The following PDSS2 variants were observed in gnomAD, a reference collection of about 807,000 sequenced individuals.
The protein encoded by PDSS2 is all trans-polyprenyl-diphosphate synthase PDSS2.
Under a neutral mutation model 44.5 loss-of-function variants are expected in PDSS2, and 31 were observed. The ratio of observed to expected loss-of-function variants is 0.70; its 90% CI spans 0.52 to 0.94. The LOEUF (loss-of-function observed/expected upper bound fraction) is 0.94. Among genes scored for constraint, PDSS2 ranks in the 40% least tolerant of loss-of-function variants. PDSS2 has a pLI of 0.00. For missense variants in PDSS2, 452 were observed against 482.2 expected (o/e 0.94, Z 0.59); for synonymous variants, 157 against 180.3 (o/e 0.87, Z 1.03).
chr6:107,321,106 A>G (rs1246275652), intron 2 of PDSS2, among the ~76,000 whole-genome samples: 1 of 152,258 alleles, frequency 6.6e-6, no homozygotes, highest in African/African-American at 2.4e-5. Flanking sequence ...GCAGACTTAT[A>G]GAAAACTCTA....
At chr6:107,345,637 T>G (rs538671030) in intron 1 of PDSS2, among the ~76,000 whole-genome samples, 12 of 151,378 alleles carry the variant, frequency 7.9e-5, no homozygotes, top group African/African-American at 2.9e-4. Flanking sequence ...AGATAATACC[T>G]CAAGGGCAAA....
chr6:107,256,226 G>A (rs1775018002), intron 3 of PDSS2, among the ~76,000 whole-genome samples: 1 of 152,060 alleles, frequency 6.6e-6, no homozygotes, highest in Non-Finnish European at 1.5e-5. Flanking sequence ...CCTGACCTCA[G>A]GTGATCCACC....
At chr6:107,195,799 A>T (rs1360451342) in intron 6 of PDSS2, among the ~76,000 whole-genome samples, 1 of 152,134 alleles carries the variant, frequency 6.6e-6, no homozygotes, top group African/African-American at 2.4e-5. Context: ...ACCTCATGTG[A>T]TCCACCCACC....
At chr6:107,221,273 C>T (rs1004459719) in intron 4 of PDSS2, among the ~76,000 whole-genome samples, 3 of 126,906 alleles carry the variant, frequency 2.4e-5, no homozygotes, top group Admixed American at 9.9e-5. Flanking sequence ...ACCTGGGAGG[C>T]GGAGCTTGTA....
intron 2 of PDSS2, among the ~76,000 whole-genome samples, chr6:107,298,574 A>G (rs563875259): frequency 4.3e-4 from 66 of 152,344 alleles, no homozygotes; most frequent in African/African-American, 1.6e-3. Flanking sequence ...GGGCAACTGT[A>G]TATATACCTA....
chr6:107,392,422 C>A (rs148000339), intron 1 of PDSS2, among the ~76,000 whole-genome samples: 4 of 152,224 alleles, frequency 2.6e-5, no homozygotes, highest in African/African-American at 9.6e-5. Context: ...GGGTATACAA[C>A]AAGTTGCATA....
intron 7 of PDSS2, among the ~76,000 whole-genome samples, chr6:107,187,345 T>G (rs1013422168): frequency 6.6e-6 from 1 of 152,086 alleles, no homozygotes; most frequent in African/African-American, 2.4e-5. Context: ...TTAGGCAACT[T>G]TGGGATGGAA....
intron 1 of PDSS2, among the ~76,000 whole-genome samples, chr6:107,456,251 G>A (rs928768828): frequency 6.6e-5 from 10 of 152,092 alleles, no homozygotes; most frequent in African/African-American, 2.4e-4. Context: ...AACCCGGGAG[G>A]TGGAAGCTGC....
intron 2 of PDSS2, among the ~76,000 whole-genome samples, chr6:107,309,460 T>C (rs1257360133): frequency 6.6e-6 from 1 of 152,184 alleles, no homozygotes; most frequent in Non-Finnish European, 1.5e-5. Flanking sequence ...ATGTACCCAT[T>C]TGGCTTCTCT....
At chr6:107,228,823 G>C (rs1311725825) in intron 4 of PDSS2, among the ~76,000 whole-genome samples, 5 of 152,188 alleles carry the variant, frequency 3.3e-5, no homozygotes, top group African/African-American at 9.7e-5. Flanking sequence ...ATTTATGACT[G>C]TGGTTACTTT....
At chr6:107,410,661 T>C (rs1012978201) in intron 1 of PDSS2, among the ~76,000 whole-genome samples, 1 of 151,962 alleles carries the variant, frequency 6.6e-6, no homozygotes, top group African/African-American at 2.4e-5. Flanking sequence ...CTAATGTTTG[T>C]ATTTTTAGTA....
chr6:107,412,190 T>C (rs1300717597), intron 1 of PDSS2, among the ~76,000 whole-genome samples: 2 of 150,662 alleles, frequency 1.3e-5, no homozygotes, highest in African/African-American at 2.4e-5. Context: ...GCCTGGCAAC[T>C]GTACTTCTTT....
intron 7 of PDSS2, among the ~76,000 whole-genome samples, chr6:107,183,243 T>C (rs1002939576): frequency 1.3e-5 from 2 of 151,106 alleles, no homozygotes; most frequent in African/African-American, 4.9e-5. Context: ...GTTGCACCCA[T>C]ACCATTATGG....
At position 107,298,115 on chromosome 6, in the gene PDSS2, T is replaced by C. The variant is rs1193440776; in HGVS notation, c.432-23888A>G. ...GTGAAAAAGATATGAGAAGGAAAAC[T>C]GGGATAGTGCATTCAGTTATTATTC... On this transcript the variant is annotated intron_variant, in intron 2 of 7. Transcript: ENST00000369037. Among the ~76,000 whole-genome samples, 4 of 152,162 alleles carry C rather than the reference T, an allele frequency of 2.6e-5. No homozygotes were observed. In the East Asian group the frequency reaches 7.7e-4, roughly 29 times the overall value.
chr6:107,327,490 C>G (rs959584318), intron 2 of PDSS2, among the ~76,000 whole-genome samples: 14 of 152,208 alleles, frequency 9.2e-5, no homozygotes, highest in African/African-American at 3.4e-4. Flanking sequence ...TTTCCCTGGA[C>G]AGGGCCAGGC....
intron 3 of PDSS2, among the ~76,000 whole-genome samples, chr6:107,262,015 T>TCTC (rs1775254825): frequency 6.7e-6 from 1 of 150,132 alleles, no homozygotes; most frequent in Non-Finnish European, 1.5e-5. Context: ...TTCACGCCAT[T>TCTC]CTCCCGCCTC....
chr6:107,383,622 A>C (rs1470292552), intron 1 of PDSS2, among the ~76,000 whole-genome samples: 1 of 152,194 alleles, frequency 6.6e-6, no homozygotes, highest in Non-Finnish European at 1.5e-5. Flanking sequence ...AACAATAAAA[A>C]GAAAAATAAC....
At chr6:107,217,326 T>C (rs1205382956) in intron 4 of PDSS2, among the ~76,000 whole-genome samples, 2 of 152,156 alleles carry the variant, frequency 1.3e-5, no homozygotes, top group African/African-American at 2.4e-5. Flanking sequence ...CTGGTTTAAC[T>C]GGATGGGCTC....
At chr6:107,439,430 T>C (rs959982400) in intron 1 of PDSS2, among the ~76,000 whole-genome samples, 15 of 152,212 alleles carry the variant, frequency 9.9e-5, no homozygotes, top group African/African-American at 3.4e-4. Context: ...TTAAATTGCA[T>C]ATCAGATCAC....
Sources: allele counts gnomAD v4.1 joint callset (sites outside exome capture counted in the v4.1 genomes callset), GRCh38; gene constraint gnomAD v4.1.1; transcripts MANE v1.5; gene names NCBI Gene and HGNC (gene_info 2026-07-23, HGNC 2026-07-21).